The following DERA variants were observed in gnomAD, a reference collection of about 807,000 sequenced individuals.
DERA encodes the protein deoxyribose-phosphate aldolase.
A neutral mutation model predicts 41.1 loss-of-function variants in DERA; 15 were observed. The ratio of observed to expected loss-of-function variants is 0.37; its 90% CI spans 0.24 to 0.56. The LOEUF is 0.56. Among genes scored for constraint, DERA ranks in the 20% least tolerant of loss-of-function variants. The pLI is 0.81. For synonymous variants in DERA, 139 were observed against 137.4 expected (o/e 1.01, Z -0.08); for missense variants, 396 against 403.4 (o/e 0.98, Z 0.16).
chr12:15,937,426 C>A (rs1311483140), intron 1 of DERA, among the ~76,000 whole-genome samples: 1 of 152,144 alleles, frequency 6.6e-6, no homozygotes, highest in South Asian at 2.1e-4. Context: ...TGATCATTTG[C>A]TTAAGGAGAT....
At chr12:15,956,614 C>A (rs926764457) in intron 1 of DERA, 3 of 401,330 alleles carry the variant, frequency 7.5e-6, no homozygotes, top group African/African-American at 2.1e-5. Context: ...GCATGGGTAA[C>A]ACACATTTCC....
At chr12:16,007,965 C>T (rs1046541791) in intron 6 of DERA, among the ~76,000 whole-genome samples, 1 of 152,168 alleles carries the variant, frequency 6.6e-6, no homozygotes, top group Admixed American at 6.5e-5. Context: ...ATTCTCATGC[C>T]TCAGCCTCCC....
In DERA at chr12:16,012,616, C is replaced by T. The variant is rs1265435180; in HGVS notation, c.638-19926C>T. On this transcript the variant is annotated intron_variant, in intron 6 of 8. Transcript: ENST00000428559. The surrounding 1 kb of genome is among the most constrained non-coding windows in gnomAD (Gnocchi z 4.1). Reference sequence around the variant, plus strand: ...GTCAAGTGCTGTCACAGGGGATCTTCTTATTCTATTCTACCTCTAGGCAGA... The same window carrying T: ...GTCAAGTGCTGTCACAGGGGATCTTTTTATTCTATTCTACCTCTAGGCAGA... Among the ~76,000 whole-genome samples, 1 of 152,158 alleles carries T rather than the reference C, an allele frequency of 6.6e-6. No individual in the cohort carries two copies. Among genetic ancestry groups the T allele is most frequent in the Non-Finnish European group, 1.5e-5 (1 of 68,024 alleles).
chr12:16,011,442 C>G lies in DERA; in HGVS notation c.638-21100C>G, dbSNP rs1337272187. On this transcript the variant is annotated intron_variant, in intron 6 of 8. Coordinates refer to ENST00000428559, the MANE Select transcript of DERA (RefSeq NM_015954.4). This position sits in a 1 kb window ranked among gnomAD's most constrained non-coding sequence, Gnocchi z 4.7. ...CCAAAAATCTGAAATGTGAAATGCTCCAGTGATCATTTCTTTTGAGTATTG... is the reference window on the plus strand; with the variant it reads ...CCAAAAATCTGAAATGTGAAATGCTGCAGTGATCATTTCTTTTGAGTATTG... Among the ~76,000 whole-genome samples the G allele has an allele frequency of 6.6e-6, 1 of 152,104 alleles. No homozygotes were observed.
At chr12:15,946,252 C>T (rs369768946) in intron 1 of DERA, among the ~76,000 whole-genome samples, 44 of 152,232 alleles carry the variant, frequency 2.9e-4, no homozygotes, top group Non-Finnish European at 5.3e-4. Flanking sequence ...TAAAATGAGT[C>T]AGGGAGGATT....
chr12:15,947,676 T>C (rs1948461866), intron 1 of DERA, among the ~76,000 whole-genome samples: 1 of 152,238 alleles, frequency 6.6e-6, no homozygotes, highest in African/African-American at 2.4e-5. Flanking sequence ...TGCCAGTCTG[T>C]GTCTTTTAAT....
rs1461461191 is a variant in DERA, at chr12:15,987,922, C to T, written c.637+5486C>T. Among the ~76,000 whole-genome samples the T allele has an allele frequency of 7.2e-5, 11 of 152,124 alleles. 1 individual carries two copies. Among genetic ancestry groups the T allele is most frequent in the Non-Finnish European group, 4.4e-5 (3 of 68,016 alleles). ...GTGGCAAGGGATGTGTGAGTGAGTG[C>T]ACGCGGGGTCCAGCCACTGTGCACA... On this transcript the variant is annotated intron_variant, in intron 6 of 8. Transcript: ENST00000428559.
rs1181816738 is a variant in DERA, at chr12:15,981,061, C to T, written c.509-1247C>T. Reference sequence around the variant, plus strand: ...ACTCTGTATGTTTATAAAACTACTTCCTATGGGCCGGGCACCGTGGCTCAC... The same window carrying T: ...ACTCTGTATGTTTATAAAACTACTTTCTATGGGCCGGGCACCGTGGCTCAC... On this transcript the variant is annotated intron_variant, in intron 5 of 8. Coordinates refer to ENST00000428559, the MANE Select transcript of DERA (RefSeq NM_015954.4). The surrounding 1 kb of genome is among the most constrained non-coding windows in gnomAD (Gnocchi z 6.1). Among the ~76,000 whole-genome samples, 1 of 152,044 alleles carries T rather than the reference C, an allele frequency of 6.6e-6. No individual in the cohort carries two copies. Among genetic ancestry groups the T allele is most frequent in the Non-Finnish European group, 1.5e-5 (1 of 67,998 alleles).
chr12:15,951,478 G>T (rs1319710416), intron 1 of DERA: 3 of 152,316 alleles, frequency 2.0e-5, no homozygotes, highest in Admixed American at 6.5e-5. Flanking sequence ...TATAATGCTG[G>T]TGCCTGGACC....
intron 6 of DERA, among the ~76,000 whole-genome samples, chr12:16,002,810 C>T (rs1306823538): frequency 6.6e-6 from 1 of 152,168 alleles, no homozygotes; most frequent in Non-Finnish European, 1.5e-5. Context: ...ATCTCTTAGA[C>T]CCAGTGCCAG....
intron 6 of DERA, among the ~76,000 whole-genome samples, chr12:16,030,480 A>G (rs1222738864): frequency 6.6e-6 from 1 of 152,124 alleles, no homozygotes; most frequent in East Asian, 1.9e-4. Context: ...CACCTGTTCT[A>G]TAGTCTGTTC....
chr12:15,978,463 A>C (rs545479054), intron 5 of DERA, among the ~76,000 whole-genome samples: 7 of 152,356 alleles, frequency 4.6e-5, no homozygotes, highest in African/African-American at 1.7e-4. Flanking sequence ...GCCTGGTTCT[A>C]TTCTAGCAAC....
At position 15,938,317 on chromosome 12, in the gene DERA, T is replaced by G. The variant is rs1049816067; in HGVS notation, c.32-18619T>G. The stretch of plus-strand genomic sequence containing the variant: ...TAATTAAAAATATTGAATGATACAT[T>G]GCCTTTATTTTATTGGTAGATCTTC... On this transcript the variant is annotated intron_variant, in intron 1 of 8. Coordinates refer to ENST00000428559, the MANE Select transcript of DERA (RefSeq NM_015954.4). This position sits in a 1 kb window ranked among gnomAD's most constrained non-coding sequence, Gnocchi z 4.1. Among the ~76,000 whole-genome samples the G allele has an allele frequency of 6.6e-6, 1 of 152,200 alleles. No individual in the cohort carries two copies. Among genetic ancestry groups the G allele is most frequent in the African/African-American group, 2.4e-5 (1 of 41,458 alleles).
At chr12:15,964,204 C>T (rs933248438) in intron 5 of DERA, among the ~76,000 whole-genome samples, 5 of 152,192 alleles carry the variant, frequency 3.3e-5, no homozygotes, top group Non-Finnish European at 7.3e-5. Flanking sequence ...AGGCTTTTCT[C>T]ATCAAGTCTC....
rs1276663467 is a variant in DERA, at chr12:16,035,886, G to T, written c.751-346G>T. 1.3e-5 allele frequency among the ~76,000 whole-genome samples: 2 copies of T among 152,158 alleles called. No homozygotes were observed. Among genetic ancestry groups the T allele is most frequent in the African/African-American group, 4.8e-5 (2 of 41,434 alleles). ...TGAGTGGGCTTTGCTTTTGTGATCT[G>T]TTTTCCTATTTATTGACACCTTCCT... is the stretch of plus-strand genomic sequence containing the variant. On this transcript the variant is annotated intron_variant, in intron 7 of 8. Coordinates refer to ENST00000428559, the MANE Select transcript of DERA (RefSeq NM_015954.4). This position sits in a 1 kb window ranked among gnomAD's most constrained non-coding sequence, Gnocchi z 4.1.
chr12:15,952,448 A>G (rs1419976256), intron 1 of DERA, among the ~76,000 whole-genome samples: 2 of 152,196 alleles, frequency 1.3e-5, no homozygotes, highest in Non-Finnish European at 2.9e-5. Flanking sequence ...GGTCACCTGT[A>G]TCATAAAGTC....
At position 16,009,470 on chromosome 12, in the gene DERA, C is replaced by T. The variant is rs1948933727; in HGVS notation, c.638-23072C>T. ...TGGGCCAAGTCAACCCAGAAAACCT[C>T]TTCTCAAGAGTAAATTTATGATATT... On this transcript the variant is annotated intron_variant, in intron 6 of 8. Transcript: ENST00000428559. This position sits in a 1 kb window ranked among gnomAD's most constrained non-coding sequence, Gnocchi z 5.3. 6.6e-6 allele frequency among the ~76,000 whole-genome samples: 1 copy of T among 152,146 alleles called. No homozygotes were observed. The highest frequency in any genetic ancestry group is 1.5e-5 in the Non-Finnish European group (1 of 68,006).
chr12:15,948,169 C>G (rs1480854686), intron 1 of DERA, among the ~76,000 whole-genome samples: 1 of 152,154 alleles, frequency 6.6e-6, no homozygotes, highest in Non-Finnish European at 1.5e-5. Flanking sequence ...GTGAATCTGA[C>G]AGTTAGGTGT....
Position 15,959,262 on chromosome 12 carries a change from T to C in DERA, c.278-567T>C, listed in dbSNP as rs576365674. 6.6e-6 allele frequency among the ~76,000 whole-genome samples: 1 copy of C among 152,346 alleles called. No individual in the cohort carries two copies. The highest frequency in any genetic ancestry group is 2.1e-4 in the South Asian group (1 of 4,826). On this transcript the variant is annotated intron_variant, in intron 3 of 8. Transcript: ENST00000428559. The surrounding 1 kb of genome is among the most constrained non-coding windows in gnomAD (Gnocchi z 4.5). The stretch of plus-strand genomic sequence containing the variant: ...CAACTTGATGTAAGGTCTTATGATA[T>C]TGCTTTGTTTTATAGTGACTATTTG...
Sources: allele counts gnomAD v4.1 joint callset (sites outside exome capture counted in the v4.1 genomes callset), GRCh38; gene constraint gnomAD v4.1.1; non-coding constraint Gnocchi (gnomAD v3.1); transcripts MANE v1.5; gene names NCBI Gene and HGNC (gene_info 2026-07-23, HGNC 2026-07-21).